Variants in SNURF observed in about 807,000 individuals in gnomAD.
The protein encoded by SNURF is SNURF protein.
SNURF carries 6 observed loss-of-function variants against 11.6 expected under a neutral mutation model. That is an observed-to-expected ratio of 0.52 (90% confidence interval 0.28 to 1.02). SNURF has a LOEUF of 1.02. Ranked by LOEUF, SNURF falls within the 50% of genes least tolerant of loss-of-function variation. The pLI is 0.09. For missense variants in SNURF, 84 were observed against 88.4 expected, an observed-to-expected ratio of 0.95 and a Z score of 0.20; for synonymous variants, 29 against 31.6, an observed-to-expected ratio of 0.92 and a Z score of 0.27.
At chr15:24,957,060 A>G (rs569366794) in intron 1 of SNURF, among the ~76,000 whole-genome samples, 7 of 152,062 alleles carry the variant, frequency 4.6e-5, no homozygotes, top group South Asian at 4.2e-4. Context: ...CTAATTCTCT[A>G]TTTTCAAACT....
At chr15:24,977,074 T>C in intron 6 of SNURF, 2 of 1,466,012 alleles carry the variant, frequency 1.4e-6, no homozygotes, top group Non-Finnish European at 1.8e-6. Flanking sequence ...AGAATATGAC[T>C]AAGCCGGAGG....
chr15:24,963,258 G>A (rs2075121690), intron 2 of SNURF, among the ~76,000 whole-genome samples: 1 of 152,260 alleles, frequency 6.6e-6, no homozygotes, highest in East Asian at 1.9e-4. Context: ...TCGTTAGCTT[G>A]CTGCTGGATA....
downstream of SNURF, among the ~76,000 whole-genome samples, chr15:24,972,015 G>A (rs1480812004): frequency 6.6e-6 from 1 of 152,160 alleles, no homozygotes; most frequent in African/African-American, 2.4e-5. Flanking sequence ...TAGCACTTGG[G>A]GAGGCTGAGG....
chr15:24,955,839 G>A (rs1000660887), intron 1 of SNURF, among the ~76,000 whole-genome samples: 5 of 151,154 alleles, frequency 3.3e-5, no homozygotes, highest in South Asian at 2.1e-4. Context: ...TGGCGGCGGT[G>A]GGCATGGCAT....
intron 3 of SNURF, chr15:24,975,242 T>C (rs2076934834): frequency 6.6e-6 from 5 of 760,802 alleles, no homozygotes; most frequent in Non-Finnish European, 1.1e-5. Flanking sequence ...GGAGAGAATA[T>C]TTGTTTAGTT....
chr15:24,963,710 A>G (rs537506812), intron 2 of SNURF, among the ~76,000 whole-genome samples: 20 of 151,848 alleles, frequency 1.3e-4, no homozygotes, highest in African/African-American at 4.8e-4. Context: ...ACTGAGTAGT[A>G]GTTTGTGTGT....
At chr15:24,978,087 C>A, downstream of SNURF, 1 of 1,277,746 alleles carries the variant, frequency 7.8e-7, no homozygotes, top group Non-Finnish European at 1.1e-6. Flanking sequence ...AGTTATTTGA[C>A]TCTATCATTG....
intron 2 of SNURF, among the ~76,000 whole-genome samples, chr15:24,963,252 T>C (rs1191629224): frequency 6.6e-6 from 1 of 152,236 alleles, no homozygotes; most frequent in East Asian, 1.9e-4. Context: ...TTGTAATCGT[T>C]AGCTTGCTGC....
chr15:24,963,546 C>T (rs1419588120), intron 2 of SNURF, among the ~76,000 whole-genome samples: 3 of 149,290 alleles, frequency 2.0e-5, no homozygotes, highest in Non-Finnish European at 1.5e-5. Flanking sequence ...GCCCAGGAGA[C>T]GGAGGTTGCA....
At chr15:24,977,725 G>T in intron 6 of SNURF, 1 of 1,503,402 alleles carries the variant, frequency 6.7e-7, no homozygotes, top group South Asian at 1.3e-5. Flanking sequence ...TTCTGTGTTT[G>T]AATAATGTGA....
chr15:24,962,292 A>G (rs1224961514), intron 2 of SNURF, 83 bp downstream of exon 2: 1 of 1,088,644 alleles, frequency 9.2e-7, no homozygotes, highest in Non-Finnish European at 1.4e-6. Flanking sequence ...TGAGGGGATT[A>G]AAATGAACAT....
At chr15:24,955,365 G>T (rs2062668927) in intron 1 of SNURF, among the ~76,000 whole-genome samples, 1 of 151,988 alleles carries the variant, frequency 6.6e-6, no homozygotes, top group African/African-American at 2.4e-5. Context: ...GGAGCATGCG[G>T]GGTAACCGCA....
At chr15:24,974,297 G>C in intron 3 of SNURF, 2 of 688,330 alleles carry the variant, frequency 2.9e-6, no homozygotes, top group Non-Finnish European at 5.3e-6. Context: ...GCTTTAACAT[G>C]CTTTCCTCTG....
Position 24,974,302 on chromosome 15 carries a change from C to T in SNURF, c.*46-1056C>T. On this transcript the variant is annotated intron_variant and NMD_transcript_variant, in intron 3 of 6. Transcript: ENST00000580062. ...TTGCAGTGCAGCTTTAACATGCTTT[C>T]CTCTGCAGGCTCCATCTACTCTTTG... 3 of 709,894 alleles carry T rather than the reference C, an allele frequency of 4.2e-6. No homozygotes were observed. In the Admixed American group the frequency reaches 6.5e-5, roughly 15 times the overall value. 44.0% of individuals were successfully genotyped at this position (709,894 alleles called of 1,614,324 possible).
chr15:24,956,320 G>A (rs11630032), intron 1 of SNURF, among the ~76,000 whole-genome samples: 1 of 146,988 alleles, frequency 6.8e-6, no homozygotes, highest in African/African-American at 2.5e-5. Flanking sequence ...GATGGCCGCC[G>A]CTGCAGCGGC....
chr15:24,955,158 A>G lies in SNURF; in HGVS notation c.14+96A>G, dbSNP rs568085420. On this transcript the variant is annotated intron_variant, in intron 1 of 2. Transcript: ENST00000577949. ...AAGTTTTTAGGACTTGGAGTACTGA[A>G]TAAACGGAATTTGGGCCCTAAAGTC... The G allele has an allele frequency of 2.3e-5, 36 of 1,536,376 alleles. 1 individual carries two copies. In the Admixed American group the frequency reaches 3.3e-4, roughly 14 times the overall value.
intron 1 of SNURF, among the ~76,000 whole-genome samples, chr15:24,961,860 T>C (rs1294318024): frequency 1.3e-5 from 2 of 152,170 alleles, no homozygotes; most frequent in Non-Finnish European, 2.9e-5. Context: ...GGTAGATATA[T>C]TATTTTAATT....
intron 1 of SNURF, among the ~76,000 whole-genome samples, chr15:24,956,692 C>T (rs1290945382): frequency 1.3e-5 from 2 of 152,138 alleles, no homozygotes; most frequent in African/African-American, 2.4e-5. Flanking sequence ...CCGGTTGTGG[C>T]GCAGTAGAGG....
chr15:24,972,150 G>A (rs751307198), downstream of SNURF, among the ~76,000 whole-genome samples: 2 of 151,830 alleles, frequency 1.3e-5, no homozygotes, highest in East Asian at 1.9e-4. Context: ...TAGCTACTCA[G>A]GAGGCTGAGG....
Sources: allele counts gnomAD v4.1 joint callset (sites outside exome capture counted in the v4.1 genomes callset), GRCh38; gene constraint gnomAD v4.1.1; transcripts MANE v1.5; gene names NCBI Gene and HGNC (gene_info 2026-07-23, HGNC 2026-07-21).